The following TEX14 variants were observed in gnomAD, a reference collection of about 807,000 sequenced individuals.
The protein encoded by TEX14 is inactive serine/threonine-protein kinase TEX14.
In TEX14, 168 loss-of-function variants were observed where a neutral mutation model predicts 178.6. The observed-to-expected ratio is 0.94, with a 90% CI of 0.83 to 1.07. TEX14 has a LOEUF of 1.07. TEX14 is among the 50% of genes least tolerant of loss of function. The pLI is 0.00. For synonymous variants in TEX14, 626 were observed against 634.1 expected (o/e 0.99, Z 0.19); for missense variants, 1,730 against 1,753.6 (o/e 0.99, Z 0.24).
chr17:58,622,754 G>A (rs1222377733), intron 4 of TEX14, 93 bp downstream of exon 4: 6 of 1,253,108 alleles, frequency 4.8e-6, no homozygotes, highest in Non-Finnish European at 6.6e-6. Context: ...CAATACTAAG[G>A]CCACTGTACG....
intron 11 of TEX14, among the ~76,000 whole-genome samples, chr17:58,603,520 A>G (rs1156746308): frequency 7.1e-6 from 1 of 140,782 alleles, no homozygotes; most frequent in Non-Finnish European, 1.5e-5. Flanking sequence ...GCGCCACTGC[A>G]CTCCAGCCTG....
At chr17:58,659,736 T>C (rs892577067) in intron 1 of TEX14, among the ~76,000 whole-genome samples, 7 of 152,108 alleles carry the variant, frequency 4.6e-5, no homozygotes, top group African/African-American at 1.7e-4. Flanking sequence ...TCCAAACCTA[T>C]TTCTCAGTGC....
At chr17:58,619,312 T>C (rs764443590) in intron 5 of TEX14, among the ~76,000 whole-genome samples, 4 of 152,234 alleles carry the variant, frequency 2.6e-5, no homozygotes, top group Admixed American at 2.0e-4. Context: ...TCAGCACACA[T>C]CTATATAACT....
At position 58,611,210 on chromosome 17, in the gene TEX14, T is replaced by C. The variant is rs758254307; in HGVS notation, c.1135A>G (p.Ile379Val). The C allele has an allele frequency of 4.3e-6, 7 of 1,613,808 alleles. No homozygotes were observed. The East Asian group carries it at 1.6e-4, about 36-fold the overall frequency. The change falls in exon 10 of 32, where the codon ATC (isoleucine) becomes GTC (valine). Residue 379 changes from isoleucine to valine, a missense_variant. Ile to Val is a conservative substitution (Grantham distance 29). Coordinates refer to ENST00000349033, the MANE Select transcript of TEX14 (RefSeq NM_031272.5). ...RSLSSYAVHI[I>V]SPGEARLTNL... ...GTCAGCCTCGCTTCACCTGGGGAGA[T>C]GATATGGACAGCATAGGAGCTGAGG...
chr17:58,570,232 T>C (rs2044490114), intron 25 of TEX14, among the ~76,000 whole-genome samples, 153 bp downstream of exon 25: 1 of 152,204 alleles, frequency 6.6e-6, no homozygotes, highest in Admixed American at 6.5e-5. Flanking sequence ...TTTTATTTAT[T>C]CTCCAAGTTT....
intron 5 of TEX14, 22 bp downstream of exon 5, chr17:58,621,628 C>T (rs370787207): frequency 1.7e-5 from 28 of 1,601,668 alleles, no homozygotes; most frequent in Non-Finnish European, 1.7e-5. Flanking sequence ...GACTATCCCA[C>T]TCTGCTCAAG....
chr17:58,599,074 T>C lies in TEX14; in HGVS notation c.2271A>G (p.Glu757=), dbSNP rs1183477787. The C allele has an allele frequency of 1.9e-6, 3 of 1,614,078 alleles. No individual in the cohort carries two copies. Among genetic ancestry groups the C allele is most frequent in the South Asian group, 2.2e-5 (2 of 91,092 alleles). The stretch of plus-strand genomic sequence containing the variant: ...CCTGTTCCTTCTGTTTCATCTCGAC[T>C]TCATCTAATATCTGCTCGATATTCC... ...RLRNIEQILD[E]VEMKQKEQEE... is the part of the protein sequence containing the mutation. Residue 757 remains glutamate, a synonymous_variant, in exon 14 of 32, where the codon GAA becomes GAG. Transcript: ENST00000349033.
intron 2 of TEX14, among the ~76,000 whole-genome samples, chr17:58,639,101 G>A (rs529560031): frequency 2.6e-5 from 4 of 151,380 alleles, no homozygotes; most frequent in Admixed American, 6.6e-5. Flanking sequence ...TCCTGACCTC[G>A]TGATCCACCC....
In TEX14 at chr17:58,605,138, G is replaced by A; in HGVS notation, c.1185-9C>T. ...GTACACCTCTGTCCTCGCTACGGAA[G>A]GAAACTCACAAGTCAGCGCTCATGC... On this transcript the variant is annotated splice_polypyrimidine_tract_variant and intron_variant, in intron 10 of 31. Transcript: ENST00000349033. 1 of 1,613,316 alleles carries A rather than the reference G, an allele frequency of 6.2e-7. No homozygotes were observed. Among genetic ancestry groups the A allele is most frequent in the Non-Finnish European group, 8.5e-7 (1 of 1,179,610 alleles).
chr17:58,597,812 G>A (rs2045325969), intron 14 of TEX14, among the ~76,000 whole-genome samples: 1 of 152,138 alleles, frequency 6.6e-6, no homozygotes, highest in Admixed American at 6.6e-5. Flanking sequence ...CACCATGCTA[G>A]GTGCTGGGAC....
At chr17:58,598,617 T>G (rs967190306) in intron 14 of TEX14, among the ~76,000 whole-genome samples, 2 of 152,194 alleles carry the variant, frequency 1.3e-5, no homozygotes, top group Admixed American at 1.3e-4. Flanking sequence ...CATGGAGGAC[T>G]GATTTCCCAA....
intron 12 of TEX14, 124 bp downstream of exon 12, chr17:58,602,276 G>A: frequency 1.1e-6 from 1 of 883,356 alleles, no homozygotes; most frequent in South Asian, 1.8e-5. Flanking sequence ...CACAGAAATG[G>A]TGTAATAAAA....
At chr17:58,563,811 GACACAC>G (rs113071230) in intron 28 of TEX14, among the ~76,000 whole-genome samples, 13 of 138,128 alleles carry the variant, frequency 9.4e-5, no homozygotes, top group Admixed American at 2.9e-4. Flanking sequence ...CACACACACA[GACACAC>G]ACACACACAC....
At chr17:58,677,737 G>A (rs1276420136) in intron 1 of TEX14, 1 of 152,218 alleles carries the variant, frequency 6.6e-6, no homozygotes, top group Non-Finnish European at 1.5e-5. Context: ...CCGGTAAAGT[G>A]GAAGGCATGG....
At chr17:58,559,603 AC>A in intron 29 of TEX14, 41 bp from the exon 30 acceptor site, 1 of 950,744 alleles carries the variant, frequency 1.1e-6, no homozygotes, top group East Asian at 2.4e-5. Flanking sequence ...CGTATACACA[AC>A]AGCCAAGAAA....
Position 58,615,300 on chromosome 17 carries a change from G to A in TEX14, c.813C>T (p.Leu271=). The A allele has an allele frequency of 6.2e-7, 1 of 1,613,592 alleles. No individual in the cohort carries two copies. The highest frequency in any genetic ancestry group is 2.2e-5 in the East Asian group (1 of 44,870). The change falls in exon 8 of 32, where the codon CTC becomes CTT. Residue 271 remains leucine, a synonymous_variant. Transcript: ENST00000349033. The part of the protein sequence containing the change: ...GSRVTVKELN[L]PTHPHCSRLR... ...GCCTGCTGCAGTGTGGGTGGGTGGG[G>A]AGATTCAGCTCTTTCACTGTGACCC...
intron 1 of TEX14, among the ~76,000 whole-genome samples, chr17:58,676,801 C>A (rs781250405): frequency 2.0e-5 from 3 of 152,054 alleles, no homozygotes; most frequent in South Asian, 4.1e-4. Context: ...GCCTGGGCAA[C>A]ATAGCGAGAC....
chr17:58,564,510 G>C (rs2044355448), intron 28 of TEX14, among the ~76,000 whole-genome samples: 1 of 152,126 alleles, frequency 6.6e-6, no homozygotes, highest in South Asian at 2.1e-4. Context: ...CCAGGGTGTG[G>C]GAAGAAGAGA....
At chr17:58,617,021 C>T (rs1410300604) in intron 6 of TEX14, among the ~76,000 whole-genome samples, 2 of 152,150 alleles carry the variant, frequency 1.3e-5, no homozygotes, top group African/African-American at 4.8e-5. Flanking sequence ...GAGGTCAAGG[C>T]GGGTGGACCG....
Sources: allele counts gnomAD v4.1 joint callset (sites outside exome capture counted in the v4.1 genomes callset), GRCh38; gene constraint gnomAD v4.1.1; transcripts MANE v1.5; gene names NCBI Gene and HGNC (gene_info 2026-07-23, HGNC 2026-07-21).